BARD1: variants seen among roughly 807,000 people sequenced by gnomAD.
BARD1 encodes the protein BRCA1 associated RING domain 1, also known as BRCA1-associated RING domain protein 1.
A neutral mutation model predicts 77.0 loss-of-function variants in BARD1; 73 were observed. The observed-to-expected ratio is 0.95, with a 90% CI of 0.79 to 1.15. The LOEUF (loss-of-function observed/expected upper bound fraction) is 1.15, where lower values mean the gene tolerates loss of function less well. Ranked by LOEUF, BARD1 falls within the 50% of genes most tolerant of loss-of-function variation. The pLI is 0.00. For missense variants in BARD1, 993 were observed against 938.8 expected (o/e 1.06, Z -0.75); for synonymous variants, 384 against 338.0 (o/e 1.14, Z -1.49).
At chr2:214,769,609 T>C (rs1207035228) in intron 4 of BARD1, among the ~76,000 whole-genome samples, 3 of 152,050 alleles carry the variant, frequency 2.0e-5, no homozygotes, top group Non-Finnish European at 4.4e-5. Context: ...GGCATGGTGG[T>C]GCCAGCCTGT....
intron 4 of BARD1, among the ~76,000 whole-genome samples, chr2:214,779,965 C>T (rs1177592116): frequency 1.3e-5 from 2 of 152,126 alleles, no homozygotes; most frequent in African/African-American, 4.8e-5. Context: ...TTCCATAAAA[C>T]GCTGCCACAT....
rs759370463 is a variant in BARD1, at chr2:214,780,715, A to G, written c.1159T>C (p.Phe387Leu). ...GGTGTACCTGGTGAAAGACTAATGA[A>G]TTCATCGGACATGTTACTGTTTTTC... is the stretch of plus-strand genomic sequence containing the variant. ...GRKNSNMSDE[F>L]ISLSPGTPPS... The change falls in exon 4 of 11, where the codon TTC (phenylalanine) becomes CTC (leucine). Residue 387 changes from phenylalanine (F) to leucine (L), a missense_variant. Phe to Leu is a conservative substitution (Grantham distance 22, BLOSUM62 0). Transcript: ENST00000260947. 32 of 1,613,962 alleles carry G rather than the reference A, an allele frequency of 2.0e-5. No individual in the cohort carries two copies. Among genetic ancestry groups the G allele is most frequent in the Non-Finnish European group, 2.5e-5 (30 of 1,179,974 alleles).
intron 4 of BARD1, among the ~76,000 whole-genome samples, chr2:214,774,512 G>GTCAATTAGT: frequency 6.6e-6 from 1 of 152,292 alleles, no homozygotes; most frequent in South Asian, 2.1e-4. Flanking sequence ...GTAATATTTT[G>GTCAATTAGT]AATATCTTTC....
chr2:214,767,933 C>G lies in BARD1; in HGVS notation c.1396-279G>C, dbSNP rs71579849. ...TTTTAGAAGAAAATGTAGTTTTAAA[C>G]CAACGGTAGCTCCTTAAATGTTCTA... On this transcript the variant is annotated intron_variant, in intron 5 of 10. Transcript: ENST00000260947. Among the ~76,000 whole-genome samples, 2,233 of 151,826 alleles carry G rather than the reference C, an allele frequency of 0.015. 12 individuals are homozygous for G. The highest frequency in any genetic ancestry group is 0.031 in the Middle Eastern group (9 of 294).
At chr2:214,800,341 G>C (rs1338794181) in intron 1 of BARD1, among the ~76,000 whole-genome samples, 1 of 152,148 alleles carries the variant, frequency 6.6e-6, no homozygotes, top group Non-Finnish European at 1.5e-5. Flanking sequence ...GTGTGTATTG[G>C]GGGAGGGAAC....
intron 9 of BARD1, among the ~76,000 whole-genome samples, chr2:214,735,349 G>C (rs929351658): frequency 5.3e-5 from 8 of 152,142 alleles, no homozygotes; most frequent in Non-Finnish European, 1.2e-4. Context: ...GAGCTGAAAA[G>C]AGGAGGTAAA....
intron 4 of BARD1, among the ~76,000 whole-genome samples, chr2:214,769,651 G>C (rs755023612): frequency 6.6e-6 from 1 of 152,168 alleles, no homozygotes; most frequent in Admixed American, 6.5e-5. Context: ...TGAGGCAGGA[G>C]AATCACTTGA....
Position 214,728,798 on chromosome 2 carries a change from T to C in BARD1, c.2212A>G (p.Ile738Val), listed in dbSNP as rs61754118. The change falls in exon 11 of 11, where the codon ATC (isoleucine) becomes GTC (valine). Residue 738 changes from isoleucine (I) to valine (V), a missense_variant. By Grantham distance (29) the Ile-to-Val change is conservative. Coordinates refer to ENST00000260947, the MANE Select transcript of BARD1 (RefSeq NM_000465.4). ...SDQRFCTQYI[I>V]YEDLCNYHPE... ...TGATAATTACACAAATCTTCATAGA[T>C]GATATACTGTGTGCAGAAGCGCTGA... 7.7e-3 allele frequency: 12,405 copies of C among 1,614,204 alleles called. 100 individuals are homozygous for C. Among genetic ancestry groups the C allele is most frequent in the Middle Eastern group, 0.049 (298 of 6,062 alleles).
At chr2:214,796,197 A>T (rs1024467417) in intron 2 of BARD1, among the ~76,000 whole-genome samples, 20 of 152,308 alleles carry the variant, frequency 1.3e-4, no homozygotes, top group South Asian at 2.1e-4. Flanking sequence ...CTGAACAAGA[A>T]ATAAGAGATA....
chr2:214,742,381 G>A (rs555753503), intron 9 of BARD1, among the ~76,000 whole-genome samples: 161 of 152,212 alleles, frequency 1.1e-3, no homozygotes, highest in African/African-American at 3.6e-3. Context: ...GAACAGTATA[G>A]AAACTATGAG....
rs1282848667 is a variant in BARD1 at position 214,792,180 on chromosome 2, T to TA, written c.364+116dup. On this transcript the variant is annotated intron_variant, in intron 3 of 10. Coordinates refer to ENST00000260947, the MANE Select transcript of BARD1 (RefSeq NM_000465.4). ...AAAAAAAAAAAAAACCTACAGATTT[T>TA]AAAATCTGAAATACGTATTCCAGAA... 5 of 1,046,010 alleles carry TA rather than the reference T, an allele frequency of 4.8e-6. No individual in the cohort carries two copies. The African/African-American group carries it at 8.3e-5, about 17-fold the overall frequency. 64.8% of individuals were successfully genotyped at this position (1,046,010 alleles called of 1,614,324 possible).
At chr2:214,803,475 G>T (rs1559448100) in intron 1 of BARD1, among the ~76,000 whole-genome samples, 1 of 152,236 alleles carries the variant, frequency 6.6e-6, no homozygotes, top group Non-Finnish European at 1.5e-5. Flanking sequence ...TAGGGCTGGA[G>T]GTGGGACGTG....
At chr2:214,730,540 A>G in intron 9 of BARD1, 32 bp from the exon 10 acceptor site, 2 of 1,543,700 alleles carry the variant, frequency 1.3e-6, no homozygotes, top group South Asian at 2.2e-5. Context: ...AAGCAAACTA[A>G]GTATCAAGTG....
intron 9 of BARD1, among the ~76,000 whole-genome samples, chr2:214,736,039 T>C (rs1000760183): frequency 6.6e-6 from 1 of 152,090 alleles, no homozygotes; most frequent in African/African-American, 2.4e-5. Flanking sequence ...CTAAGCTGAA[T>C]TTCCGAATCT....
intron 9 of BARD1, among the ~76,000 whole-genome samples, chr2:214,741,635 A>AC (rs1574729467): frequency 1.3e-5 from 2 of 152,256 alleles, no homozygotes; most frequent in East Asian, 3.9e-4. Context: ...CTCCCTCACC[A>AC]TTTTGATGTT....
At chr2:214,765,278 C>G (rs1477903530) in intron 6 of BARD1, among the ~76,000 whole-genome samples, 1 of 152,174 alleles carries the variant, frequency 6.6e-6, no homozygotes, top group African/African-American at 2.4e-5. Context: ...TAAACCAACA[C>G]TGAAGGCACC....
intron 3 of BARD1, among the ~76,000 whole-genome samples, 197 bp downstream of exon 3, chr2:214,792,100 G>A (rs1695540031): frequency 6.6e-6 from 1 of 150,496 alleles, no homozygotes; most frequent in East Asian, 1.9e-4. Context: ...TCCCTTGAGT[G>A]CAGGAGTTCA....
Position 214,780,953 on chromosome 2 carries a change from A to T in BARD1, c.921T>A (p.Tyr307Ter). ...ATGGCAAAGATTTCTTAGATGTAAGATAATTTTTGCAGACCTTCTCAGGAG... is the reference window on the plus strand; with the variant it reads ...ATGGCAAAGATTTCTTAGATGTAAGTTAATTTTTGCAGACCTTCTCAGGAG... ...VVTPEKVCKN[Y>*]LTSKKSLPLE... Residue 307 changes from tyrosine (Y) to a stop codon, truncating the protein, a stop_gained, in exon 4 of 11, where the codon TAT (tyrosine) becomes TAA (stop). Transcript: ENST00000260947. LOFTEE classifies it high-confidence loss of function. 6.2e-7 allele frequency: 1 copy of T among 1,613,778 alleles called. No homozygotes were observed. The highest frequency in any genetic ancestry group is 8.5e-7 in the Non-Finnish European group (1 of 1,179,838).
intron 4 of BARD1, among the ~76,000 whole-genome samples, chr2:214,771,620 C>T (rs964012776): frequency 2.6e-5 from 4 of 151,614 alleles, no homozygotes; most frequent in African/African-American, 9.7e-5. Context: ...CCTAGCTACT[C>T]AGGAGGCTGA....
Sources: gnomAD v4.1 joint callset for allele counts (sites outside exome capture counted in the v4.1 genomes callset) on GRCh38, gnomAD v4.1.1 for gene constraint, MANE v1.5 for transcripts, NCBI Gene and HGNC (gene_info 2026-07-23, HGNC 2026-07-21) for gene names.